CELF4: variants seen among roughly 807,000 people sequenced by gnomAD.
CELF4 encodes CUG-BP- and ETR-3-like factor 4.
In CELF4, 18 loss-of-function variants were observed where a neutral mutation model predicts 59.9. That is an observed-to-expected ratio of 0.30 (90% confidence interval 0.21 to 0.45). The LOEUF (loss-of-function observed/expected upper bound fraction) is 0.45, where lower values mean the gene tolerates loss of function less well. Among genes scored for constraint, CELF4 ranks in the 20% least tolerant of loss-of-function variants. CELF4 has a pLI of 1.00. For missense variants in CELF4, 456 were observed against 689.0 expected, an observed-to-expected ratio of 0.66 and a Z score of 3.79; for synonymous variants, 261 against 267.1, an observed-to-expected ratio of 0.98 and a Z score of 0.22.
At chr18:37,309,690 C>T (rs191398594) in intron 3 of CELF4, among the ~76,000 whole-genome samples, 20 of 151,962 alleles carry the variant, frequency 1.3e-4, no homozygotes, top group East Asian at 1.9e-4. Flanking sequence ...CGCGTGTGCA[C>T]GAGCAGAGGT....
chr18:37,436,204 G>A (rs1024918142), intron 2 of CELF4, among the ~76,000 whole-genome samples: 1 of 152,210 alleles, frequency 6.6e-6, no homozygotes, highest in African/African-American at 2.4e-5. Flanking sequence ...CTTAAGAGAA[G>A]AGCGTGGCTC....
chr18:37,281,004 C>T (rs765518841), intron 3 of CELF4, among the ~76,000 whole-genome samples: 6 of 152,228 alleles, frequency 3.9e-5, no homozygotes, highest in Non-Finnish European at 5.9e-5. Context: ...TCCCATGGGT[C>T]CCTCCATGAG....
chr18:37,361,043 T>G (rs996699510), intron 2 of CELF4, among the ~76,000 whole-genome samples: 1 of 151,974 alleles, frequency 6.6e-6, no homozygotes, highest in African/African-American at 2.4e-5. Context: ...GCCATGCCCC[T>G]CCCCACTCAT....
At chr18:37,557,828 G>C (rs1472009596) in intron 1 of CELF4, among the ~76,000 whole-genome samples, 1 of 152,014 alleles carries the variant, frequency 6.6e-6, no homozygotes, top group Non-Finnish European at 1.5e-5. Flanking sequence ...CTTGCAGAAG[G>C]CCACATAGGA....
At chr18:37,502,745 G>A (rs902567010) in intron 1 of CELF4, among the ~76,000 whole-genome samples, 5 of 152,128 alleles carry the variant, frequency 3.3e-5, no homozygotes, top group African/African-American at 1.2e-4. Flanking sequence ...CCTCACTAAG[G>A]ATGGGCCCCA....
intron 2 of CELF4, among the ~76,000 whole-genome samples, chr18:37,388,113 C>G (rs2099119012): frequency 6.6e-6 from 1 of 151,920 alleles, no homozygotes; most frequent in South Asian, 2.1e-4. Flanking sequence ...TCCTTTGGGG[C>G]AGGTTTCATT....
At chr18:37,337,807 C>T (rs1390630604) in intron 2 of CELF4, among the ~76,000 whole-genome samples, 3 of 152,240 alleles carry the variant, frequency 2.0e-5, no homozygotes, top group African/African-American at 7.2e-5. Flanking sequence ...TATGCTCTCC[C>T]AGGCCACTGT....
intron 1 of CELF4, among the ~76,000 whole-genome samples, chr18:37,528,386 G>T (rs1358539371): frequency 3.3e-5 from 5 of 152,144 alleles, no homozygotes; most frequent in Non-Finnish European, 5.9e-5. Flanking sequence ...ACTGTGTGTG[G>T]TTTGTAATAA....
At chr18:37,557,198 T>A (rs2099985067) in intron 1 of CELF4, among the ~76,000 whole-genome samples, 1 of 152,242 alleles carries the variant, frequency 6.6e-6, no homozygotes. Flanking sequence ...TTTATGTGGA[T>A]GTGCACATAG....
intron 2 of CELF4, among the ~76,000 whole-genome samples, chr18:37,404,813 G>A (rs1037065633): frequency 2.0e-5 from 3 of 152,312 alleles, no homozygotes; most frequent in East Asian, 1.9e-4. Context: ...CATCTTCCTT[G>A]TTAATCTGCT....
intron 12 of CELF4, among the ~76,000 whole-genome samples, chr18:37,247,776 G>A (rs1207018243): frequency 6.6e-6 from 1 of 152,084 alleles, no homozygotes; most frequent in Admixed American, 6.5e-5. Flanking sequence ...GGGCATGGGC[G>A]GTTTGGCAAG....
chr18:37,348,479 A>G (rs1170462586), intron 2 of CELF4, among the ~76,000 whole-genome samples: 1 of 152,118 alleles, frequency 6.6e-6, no homozygotes, highest in Non-Finnish European at 1.5e-5. Flanking sequence ...CATCTGCTCC[A>G]CAACCCTGCT....
intron 2 of CELF4, among the ~76,000 whole-genome samples, chr18:37,361,257 C>G (rs1250248828): frequency 6.6e-6 from 1 of 152,182 alleles, no homozygotes; most frequent in Non-Finnish European, 1.5e-5. Context: ...AAACCAAGAG[C>G]TAAACTTGGG....
rs1016031228 is a variant in CELF4 at position 37,266,416 on chromosome 18, A to C, written c.1165+117T>G. ...TGCCAGCACAGCCCTCCCTCTTTCC[A>C]CTCTCTCTCCCCACCCCATGCAGTG... On this transcript the variant is annotated intron_variant, in intron 9 of 12. Transcript: ENST00000420428. The C allele has an allele frequency of 5.6e-6, 6 of 1,071,826 alleles. No individual in the cohort carries two copies. The South Asian group carries it at 8.2e-5, about 15-fold the overall frequency. The allele number at this position is 1,071,826 out of a possible 1,614,324, so 66.4% of individuals were successfully genotyped here. A position where few individuals can be genotyped will look rare whatever the true frequency, so the allele number is the denominator to read the frequency against.
chr18:37,256,948 A>T (rs1244218462), intron 11 of CELF4, among the ~76,000 whole-genome samples: 2 of 152,194 alleles, frequency 1.3e-5, no homozygotes, highest in East Asian at 3.9e-4. Context: ...TGAGAGAGAG[A>T]ACCCAAGTGG....
At chr18:37,256,135 C>T (rs1261244267) in intron 11 of CELF4, among the ~76,000 whole-genome samples, 1 of 152,206 alleles carries the variant, frequency 6.6e-6, no homozygotes, top group African/African-American at 2.4e-5. Flanking sequence ...GACCGTCTTC[C>T]TTCTTCCAGA....
At chr18:37,338,469 C>A (rs1233013992) in intron 2 of CELF4, among the ~76,000 whole-genome samples, 3 of 152,128 alleles carry the variant, frequency 2.0e-5, no homozygotes, top group Non-Finnish European at 4.4e-5. Flanking sequence ...CATCATATAA[C>A]CAGTAAAAAA....
chr18:37,535,550 G>A (rs1410952810), intron 1 of CELF4, among the ~76,000 whole-genome samples: 1 of 152,152 alleles, frequency 6.6e-6, no homozygotes, highest in African/African-American at 2.4e-5. Flanking sequence ...AAGAGTTCAC[G>A]TAACCCATCA....
chr18:37,434,083 C>T (rs1786818), intron 2 of CELF4, among the ~76,000 whole-genome samples: 79,559 of 152,076 alleles, frequency 0.52, 21,396 homozygotes, highest in East Asian at 0.7. Context: ...TGGTATCTGA[C>T]GCTGGTGAGC....
Sources: allele counts gnomAD v4.1 joint callset (sites outside exome capture counted in the v4.1 genomes callset), GRCh38; gene constraint gnomAD v4.1.1; transcripts MANE v1.5; gene names NCBI Gene and HGNC (gene_info 2026-07-23, HGNC 2026-07-21).